The following ZC3H8 variants were observed in gnomAD, a reference collection of about 807,000 sequenced individuals.
ZC3H8 encodes zinc finger CCCH-type containing 8.
In ZC3H8, 27 loss-of-function variants were observed where a neutral mutation model predicts 42.5. That is an observed-to-expected ratio of 0.64 (90% CI 0.47 to 0.88). ZC3H8 has a LOEUF of 0.88. ZC3H8 is among the 40% of genes least tolerant of loss of function. The probability of loss-of-function intolerance (pLI) is 0.00; values close to 1 mark genes in which losing one functional copy is unlikely to be tolerated. For missense variants in ZC3H8, 277 were observed against 336.1 expected (o/e 0.82, Z 1.37); for synonymous variants, 101 against 110.1 (o/e 0.92, Z 0.52).
Position 112,215,883 on chromosome 2 carries a change from G to C in ZC3H8, c.*601C>G, listed in dbSNP as rs965566588. ...TAAATTTAGAAATGGTATAGTAAGAGATATTGTTTCACTTTATTTATAATA... is the reference window on the plus strand; with the variant it reads ...TAAATTTAGAAATGGTATAGTAAGACATATTGTTTCACTTTATTTATAATA... On this transcript the variant is annotated 3_prime_UTR_variant, in exon 9 of 9. Coordinates refer to ENST00000409573, the MANE Select transcript of ZC3H8 (RefSeq NM_032494.3). 6.6e-6 allele frequency: 1 copy of C among 152,124 alleles called. No individual in the cohort carries two copies. The highest frequency in any genetic ancestry group is 2.4e-5 in the African/African-American group (1 of 41,422). 9.4% of individuals were successfully genotyped at this position (152,124 alleles called of 1,614,324 possible).
rs368041966 is a variant in ZC3H8, at chr2:112,233,248, G to A, written c.733+12C>T. On this transcript the variant is annotated intron_variant, in intron 6 of 8. Transcript: ENST00000409573. ...TATTTATAAAGTCACCATATCTTGT[G>A]ATAAAGGATATTATGCAAATACAGA... 70 of 1,485,664 alleles carry A rather than the reference G, an allele frequency of 4.7e-5. No individual in the cohort carries two copies. The highest frequency in any genetic ancestry group is 5.9e-5 in the Non-Finnish European group (65 of 1,093,682). 92.0% of individuals were successfully genotyped at this position (1,485,664 alleles called of 1,614,324 possible).
At chr2:112,223,051 T>C (rs1684658213) in intron 8 of ZC3H8, among the ~76,000 whole-genome samples, 1 of 152,078 alleles carries the variant, frequency 6.6e-6, no homozygotes, top group South Asian at 2.1e-4. Context: ...TAGGTGGGAA[T>C]TGAACCATAA....
intron 8 of ZC3H8, among the ~76,000 whole-genome samples, chr2:112,217,214 GA>G (rs1481867021): frequency 1.3e-5 from 2 of 151,872 alleles, no homozygotes; most frequent in South Asian, 2.1e-4. Context: ...ACCAAAAATA[GA>G]AAAAAATTAG....
intron 4 of ZC3H8, 61 bp downstream of exon 4, chr2:112,236,501 A>G: frequency 1.3e-6 from 2 of 1,583,068 alleles, no homozygotes; most frequent in East Asian, 4.5e-5. Flanking sequence ...TCACTGAAGT[A>G]TAAGATCAAG....
At chr2:112,234,577 G>A (rs555500365) in intron 4 of ZC3H8, among the ~76,000 whole-genome samples, 29 of 152,248 alleles carry the variant, frequency 1.9e-4, no homozygotes, top group African/African-American at 7.0e-4. Context: ...GAGGCGGGTG[G>A]ACCACTTGAG....
chr2:112,241,270 T>G (rs993992919), intron 2 of ZC3H8, among the ~76,000 whole-genome samples: 1 of 152,144 alleles, frequency 6.6e-6, no homozygotes, highest in South Asian at 2.1e-4. Flanking sequence ...AAGGCTGTTA[T>G]CCAAAGAAAT....
At chr2:112,220,941 T>G (rs1264914397) in intron 8 of ZC3H8, among the ~76,000 whole-genome samples, 1 of 152,236 alleles carries the variant, frequency 6.6e-6, no homozygotes, top group Non-Finnish European at 1.5e-5. Context: ...ATGAGGATGA[T>G]CTTCTTGTGT....
At chr2:112,222,831 A>T (rs925330550) in intron 8 of ZC3H8, among the ~76,000 whole-genome samples, 86 of 152,378 alleles carry the variant, frequency 5.6e-4, no homozygotes, top group African/African-American at 2.0e-3. Context: ...GATTAAAAAC[A>T]TGAGCTCTGG....
rs758716538 is a variant in ZC3H8 at position 112,212,684 on chromosome 2, C to CT, written c.*3799dup. 3 of 152,346 alleles carry CT rather than the reference C, an allele frequency of 2.0e-5. No homozygotes were observed. Among genetic ancestry groups the CT allele is most frequent in the Non-Finnish European group, 2.9e-5 (2 of 68,066 alleles). The allele number at this position is 152,346 out of a possible 1,614,324, so 9.4% of individuals were successfully genotyped here. On this transcript the variant is annotated 3_prime_UTR_variant, in exon 9 of 9. Coordinates refer to ENST00000409573, the MANE Select transcript of ZC3H8 (RefSeq NM_032494.3). ...TCCAGCTTCTTCCCAACTTTCCTCTCTGTTTTCTTCAGCTAGCACCCCTTG... is the reference window on the plus strand; with the variant it reads ...TCCAGCTTCTTCCCAACTTTCCTCTCTTGTTTTCTTCAGCTAGCACCCCTTG...
chr2:112,254,783 T>C, intron 1 of ZC3H8, 125 bp downstream of exon 1: 1 of 1,146,320 alleles, frequency 8.7e-7, no homozygotes, highest in Non-Finnish European at 1.2e-6. Context: ...CCGGCCCACG[T>C]GCTCCCCACG....
chr2:112,218,898 A>G (rs1195138070), intron 8 of ZC3H8, among the ~76,000 whole-genome samples: 1 of 152,218 alleles, frequency 6.6e-6, no homozygotes, highest in Non-Finnish European at 1.5e-5. Context: ...AATTTAATCA[A>G]GGAGGTGAGA....
At chr2:112,232,549 TA>T (rs1013142287) in intron 6 of ZC3H8, among the ~76,000 whole-genome samples, 2 of 152,174 alleles carry the variant, frequency 1.3e-5, no homozygotes, top group Non-Finnish European at 2.9e-5. Flanking sequence ...AATACCTTGA[TA>T]AATGTGATCA....
intron 8 of ZC3H8, among the ~76,000 whole-genome samples, chr2:112,218,068 C>CA (rs1208566994): frequency 6.6e-6 from 1 of 152,122 alleles, no homozygotes; most frequent in Non-Finnish European, 1.5e-5. Context: ...GTTGTTCTTT[C>CA]AAGTAAAAAT....
intron 1 of ZC3H8, 44 bp from the exon 2 acceptor site, chr2:112,250,316 T>C (rs1487702914): frequency 6.9e-7 from 1 of 1,447,650 alleles, no homozygotes; most frequent in Non-Finnish European, 9.4e-7. Flanking sequence ...TTTTTCAACC[T>C]GAAGTGTTCA....
At chr2:112,250,719 T>A (rs988063443) in intron 1 of ZC3H8, among the ~76,000 whole-genome samples, 6 of 152,150 alleles carry the variant, frequency 3.9e-5, no homozygotes, top group African/African-American at 1.4e-4. Context: ...GGGGCATATA[T>A]GGGGAACACA....
intron 2 of ZC3H8, 190 bp downstream of exon 2, chr2:112,250,001 T>A (rs1685892418): frequency 2.5e-6 from 1 of 401,138 alleles, no homozygotes; most frequent in Non-Finnish European, 4.4e-6. Context: ...ATAATTTATT[T>A]AAAAAGTATA....
chr2:112,237,486 T>C (rs752702750), intron 3 of ZC3H8, among the ~76,000 whole-genome samples: 1 of 152,208 alleles, frequency 6.6e-6, no homozygotes, highest in East Asian at 1.9e-4. Context: ...GGCATAATCA[T>C]AGTCTACTGG....
intron 8 of ZC3H8, among the ~76,000 whole-genome samples, chr2:112,219,758 A>G (rs1684504539): frequency 6.6e-6 from 1 of 151,936 alleles, no homozygotes; most frequent in Non-Finnish European, 1.5e-5. Flanking sequence ...TTTTGGGTGG[A>G]GAGTTCTGCA....
At chr2:112,218,307 T>A (rs1684418737) in intron 8 of ZC3H8, among the ~76,000 whole-genome samples, 2 of 152,258 alleles carry the variant, frequency 1.3e-5, no homozygotes, top group South Asian at 4.1e-4. Flanking sequence ...AAGGGAACTC[T>A]ACTCAAGGTT....
Sources: allele counts gnomAD v4.1 joint callset (sites outside exome capture counted in the v4.1 genomes callset), GRCh38; gene constraint gnomAD v4.1.1; transcripts MANE v1.5; gene names NCBI Gene and HGNC (gene_info 2026-07-23, HGNC 2026-07-21).